The following NFKBIZ variants were observed in gnomAD, a reference collection of about 807,000 sequenced individuals.
NFKBIZ encodes the protein NFKB inhibitor zeta, also known as NF-kappa-B inhibitor zeta.
A neutral mutation model predicts 76.8 loss-of-function variants in NFKBIZ; 19 were observed. The observed-to-expected ratio is 0.25, with a 90% confidence interval of 0.17 to 0.36. NFKBIZ has a LOEUF of 0.36. NFKBIZ is among the 10% of genes least tolerant of loss of function. NFKBIZ has a pLI of 1.00. For synonymous variants in NFKBIZ, 368 were observed against 354.8 expected (o/e 1.04, Z -0.42); for missense variants, 829 against 910.9 (o/e 0.91, Z 1.16).
intron 11 of NFKBIZ, among the ~76,000 whole-genome samples, chr3:101,859,080 T>C (rs1943097812): frequency 6.6e-6 from 1 of 152,230 alleles, no homozygotes; most frequent in Admixed American, 6.5e-5. Context: ...TTAGTGGAGA[T>C]GTTTTACTTT....
At chr3:101,829,724 C>G (rs910368845) in intron 2 of NFKBIZ, 2 of 152,096 alleles carry the variant, frequency 1.3e-5, no homozygotes, top group African/African-American at 4.8e-5. Flanking sequence ...AAGTAGCATC[C>G]AGGTGTTACC....
chr3:101,857,107 C>T lies in NFKBIZ; in HGVS notation c.1859C>T (p.Ala620Val). 7 of 1,613,834 alleles carry T rather than the reference C, an allele frequency of 4.3e-6. No homozygotes were observed. The highest frequency in any genetic ancestry group is 5.9e-6 in the Non-Finnish European group (7 of 1,179,930). ...AGTGGCCGCACAGCCCTGCATTTGG[C>T]AGCTGAAGAAGCAAATCTGGAACTC... ...RKSGRTALHL[A>V]AEEANLELIR... Residue 620 changes from alanine to valine, a missense_variant, in exon 10 of 12, where the codon GCA becomes GTA. Physicochemically the swap from Ala to Val is moderately conservative, Grantham distance 64 (BLOSUM62 0). Around this residue, in one of 4 missense-constraint regions of NFKBIZ, gnomAD observed 272 missense variants for 384.2 expected, o/e 0.71. Transcript: ENST00000326172.
intron 1 of NFKBIZ, chr3:101,828,270 G>C (rs1010457033): frequency 5.9e-5 from 9 of 151,712 alleles, no homozygotes; most frequent in Non-Finnish European, 1.3e-4. Context: ...CCCATAGTCA[G>C]ATTCTTAACT....
chr3:101,851,765 C>T (rs1187869333), intron 1 of NFKBIZ, among the ~76,000 whole-genome samples: 2 of 152,152 alleles, frequency 1.3e-5, no homozygotes, highest in Non-Finnish European at 2.9e-5. Flanking sequence ...AAATGTGATC[C>T]ACTCTCATGG....
At chr3:101,859,010 A>G (rs964740675) in intron 11 of NFKBIZ, among the ~76,000 whole-genome samples, 2 of 152,222 alleles carry the variant, frequency 1.3e-5, no homozygotes, top group Admixed American at 1.3e-4. Flanking sequence ...TAGCAAGAGT[A>G]AAGATTAGGA....
chr3:101,855,834 C>A lies in NFKBIZ; in HGVS notation c.1756C>A (p.Leu586Met). The change falls in exon 9 of 12, where the codon CTG becomes ATG. Residue 586 changes from leucine to methionine, a missense_variant. Coordinates refer to ENST00000326172, the MANE Select transcript of NFKBIZ (RefSeq NM_031419.4). The part of the protein sequence containing the change: ...PHSPEVQELL[L>M]KNKSLVDTIK... The stretch of plus-strand genomic sequence containing the variant: ...TTCACCTGAAGTTCAGGAGCTTTTA[C>A]TGAAGAATAAGAGTCTGGTTGATAC... The A allele has an allele frequency of 6.2e-7, 1 of 1,614,040 alleles. No homozygotes were observed.
chr3:101,849,491 C>A, upstream of NFKBIZ: 7 of 711,790 alleles, frequency 9.8e-6, no homozygotes, highest in African/African-American at 1.9e-5. Flanking sequence ...CGTTAAATAC[C>A]CTGGCAGTCC....
Position 101,843,601 on chromosome 3 carries a change from G to A in NFKBIZ, c.-11-8484G>A, listed in dbSNP as rs550197664. On this transcript the variant is annotated intron_variant, in intron 2 of 12. Coordinates refer to the NFKBIZ transcript ENST00000394054. ...TAATATTATACCAAAACAAGTGGTA[G>A]TTCCTTAAAGGAGAGATGCAAGATG... Among the ~76,000 whole-genome samples, 4 of 152,328 alleles carry A rather than the reference G, an allele frequency of 2.6e-5. No homozygotes were observed. The South Asian group carries it at 8.3e-4, about 32-fold the overall frequency.
chr3:101,851,607 A>G (rs1942965648), intron 1 of NFKBIZ, among the ~76,000 whole-genome samples: 2 of 152,258 alleles, frequency 1.3e-5, no homozygotes, highest in South Asian at 4.1e-4. Flanking sequence ...CTATGTGAAC[A>G]TAAAACCATT....
chr3:101,857,869 C>G, intron 11 of NFKBIZ: 4 of 909,612 alleles, frequency 4.4e-6, no homozygotes, highest in Non-Finnish European at 5.3e-6. Context: ...ACAATAGTCC[C>G]GGGTACAGAG....
chr3:101,833,595 C>T (rs970010226), intron 2 of NFKBIZ, among the ~76,000 whole-genome samples: 25 of 152,166 alleles, frequency 1.6e-4, no homozygotes, highest in Non-Finnish European at 2.1e-4. Flanking sequence ...AAAGTGATCA[C>T]TGGGCAAGGC....
upstream of NFKBIZ, among the ~76,000 whole-genome samples, chr3:101,848,358 T>G (rs148701435): frequency 3.2e-3 from 482 of 152,298 alleles, no homozygotes; most frequent in Non-Finnish European, 5.3e-3. Context: ...TCTTTGCTCT[T>G]GTTCTTTCTG....
upstream of NFKBIZ, among the ~76,000 whole-genome samples, chr3:101,847,987 C>A (rs77752768): frequency 2.0e-5 from 3 of 152,254 alleles, no homozygotes; most frequent in Admixed American, 1.3e-4. Context: ...TTCTCCCCCC[C>A]TCCAAAAGAG....
chr3:101,853,003 C>G lies in NFKBIZ; in HGVS notation c.564+14C>G, dbSNP rs766351814. ...TCCCAATTTTTGGTAAGTATCTCACCATTTTCCTCTGACTATCCTTTGGAA... is the reference window on the plus strand; with the variant it reads ...TCCCAATTTTTGGTAAGTATCTCACGATTTTCCTCTGACTATCCTTTGGAA... On this transcript the variant is annotated intron_variant, in intron 4 of 11. Coordinates refer to ENST00000326172, the MANE Select transcript of NFKBIZ (RefSeq NM_031419.4). The G allele has an allele frequency of 1.9e-6, 3 of 1,613,848 alleles. No individual in the cohort carries two copies. Among genetic ancestry groups the G allele is most frequent in the South Asian group, 1.1e-5 (1 of 91,058 alleles).
chr3:101,848,681 AT>A (rs1464329779), upstream of NFKBIZ, among the ~76,000 whole-genome samples: 1 of 152,248 alleles, frequency 6.6e-6, no homozygotes, highest in Admixed American at 6.5e-5. Flanking sequence ...AGTTTATCAG[AT>A]AGTGTAAAGC....
intron 3 of NFKBIZ, 47 bp from the exon 4 acceptor site, chr3:101,852,839 A>G (rs1356550219): frequency 3.7e-6 from 6 of 1,603,580 alleles, no homozygotes. Flanking sequence ...TATGGGTAAC[A>G]TTTATAAAAT....
chr3:101,855,330 G>A, intron 7 of NFKBIZ, 65 bp from the exon 8 acceptor site: 1 of 1,606,582 alleles, frequency 6.2e-7, no homozygotes, highest in Non-Finnish European at 8.5e-7. Context: ...TTCATTTCTT[G>A]GGGATTCTAA....
intron 6 of NFKBIZ, 111 bp from the exon 7 acceptor site, chr3:101,854,951 G>A (rs1005938086): frequency 8.3e-7 from 1 of 1,207,816 alleles, no homozygotes; most frequent in Non-Finnish European, 1.1e-6. Context: ...CTTATTCAAA[G>A]GATTTATTTT....
rs141201753 is a variant in NFKBIZ, at chr3:101,853,064, T to C, written c.565-27T>C. ...GGATAATTTTAGAAGGAAGTGAGTGTGCAAGTTGCATTTTCCTTCTTTCCA... is the reference window on the plus strand; with the variant it reads ...GGATAATTTTAGAAGGAAGTGAGTGCGCAAGTTGCATTTTCCTTCTTTCCA... On this transcript the variant is annotated intron_variant, in intron 4 of 11. Transcript: ENST00000326172. The C allele has an allele frequency of 5.0e-6, 8 of 1,612,080 alleles. No individual in the cohort carries two copies. The East Asian group carries it at 1.8e-4, about 36-fold the overall frequency.
Sources: gnomAD v4.1 joint callset for allele counts (sites outside exome capture counted in the v4.1 genomes callset) on GRCh38, gnomAD v4.1.1 for gene constraint, gnomAD v4.1.1 regional missense constraint, MANE v1.5 for transcripts, NCBI Gene and HGNC (gene_info 2026-07-23, HGNC 2026-07-21) for gene names.